Variants in CUBN observed in about 807,000 individuals in gnomAD.
CUBN encodes cubilin.
CUBN carries 282 observed loss-of-function variants against 405.3 expected under a neutral mutation model. The ratio of observed to expected loss-of-function variants is 0.70; its 90% confidence interval spans 0.63 to 0.77. The LOEUF (loss-of-function observed/expected upper bound fraction) is 0.77. Ranked by LOEUF, CUBN falls within the 30% of genes least tolerant of loss-of-function variation. The pLI is 0.00. For missense variants in CUBN, 4,514 were observed against 4,475.2 expected, an observed-to-expected ratio of 1.01 and a Z score of -0.25; for synonymous variants, 1,684 against 1,617.0, an observed-to-expected ratio of 1.04 and a Z score of -0.99.
chr10:16,943,469 C>A (rs1157613849), intron 36 of CUBN, among the ~76,000 whole-genome samples: 1 of 152,114 alleles, frequency 6.6e-6, no homozygotes, highest in African/African-American at 2.4e-5. Context: ...TGGTCTAAAT[C>A]CATCTTTGGG....
intron 57 of CUBN, 96 bp from the exon 58 acceptor site, chr10:16,874,599 C>T (rs111974763): frequency 4.9e-6 from 7 of 1,441,780 alleles, no homozygotes; most frequent in African/African-American, 4.2e-5. Context: ...ACATTTTTCC[C>T]TAAAAGAGGT....
Position 16,891,789 on chromosome 10 carries a change from T to C in CUBN, c.8599-1262A>G, listed in dbSNP as rs117232529. On this transcript the variant is annotated intron_variant, in intron 54 of 66. Transcript: ENST00000377833. ...GTTCAGAGGTCTCAACTAGGAGCAA[T>C]TTTGGGACCTCTGGCAAGGTTTGTA... Among the ~76,000 whole-genome samples, 839 of 152,068 alleles carry C rather than the reference T, an allele frequency of 5.5e-3. 10 individuals are homozygous for C. The highest frequency in any genetic ancestry group is 6.3e-3 in the Non-Finnish European group (426 of 67,988).
chr10:17,074,325 G>A (rs1216376662), intron 17 of CUBN, among the ~76,000 whole-genome samples: 1 of 151,992 alleles, frequency 6.6e-6, no homozygotes, highest in African/African-American at 2.4e-5. Context: ...GTACCTTTTT[G>A]GTTTTGTGTT....
intron 14 of CUBN, among the ~76,000 whole-genome samples, chr10:17,097,917 G>A (rs1836410205): frequency 6.6e-6 from 1 of 151,822 alleles, no homozygotes; most frequent in South Asian, 2.1e-4. Flanking sequence ...TTTAGAAGTG[G>A]GCCTATGTCC....
Position 16,950,015 on chromosome 10 carries a change from T to A in CUBN, c.5066A>T (p.Asp1689Val). ...FVEILDGGHE[D>V]APLRGRYCGT... ...CGCTGAGGTACCTCGGAGGGGCGCG[T>A]CTTCGTGGCCGCCATCCAAAATTTC... Residue 1689 changes from aspartate to valine, a missense_variant, in exon 34 of 67, where the codon GAC becomes GTC. By Grantham distance (152) the Asp-to-Val change is radical. Coordinates refer to ENST00000377833, the MANE Select transcript of CUBN (RefSeq NM_001081.4). 1.2e-6 allele frequency: 2 copies of A among 1,613,664 alleles called. No individual in the cohort carries two copies. The highest frequency in any genetic ancestry group is 1.7e-6 in the Non-Finnish European group (2 of 1,179,768).
At position 17,041,239 on chromosome 10, in the gene CUBN, G is replaced by C. The variant is rs1286566886; in HGVS notation, c.3830-19C>G. The C allele has an allele frequency of 5.6e-6, 9 of 1,600,072 alleles. No homozygotes were observed. The highest frequency in any genetic ancestry group is 1.3e-5 in the African/African-American group (1 of 74,524). On this transcript the variant is annotated intron_variant, in intron 26 of 66. Transcript: ENST00000377833. ...TCACATGCTGGAAAAAGAAATGACT[G>C]TTAAGAACCACTATTATATACTTCA...
chr10:16,853,782 G>C (rs1015459204), intron 59 of CUBN, among the ~76,000 whole-genome samples: 8 of 152,202 alleles, frequency 5.3e-5, no homozygotes, highest in African/African-American at 1.9e-4. Context: ...GGAGTTTGTG[G>C]AGTTTGAGCA....
chr10:17,090,826 TAAA>T (rs59564374), intron 14 of CUBN, among the ~76,000 whole-genome samples: 4 of 93,996 alleles, frequency 4.3e-5, no homozygotes, highest in Admixed American at 1.2e-4. Flanking sequence ...AAATGTAAAG[TAAA>T]AAAAAAAAAA....
In CUBN at chr10:17,122,969, T is replaced by A. The variant is rs1213709147; in HGVS notation, c.490-71A>T. ...GTATCTGGAGCGAACATTCACATGATACGTTTAAGGATTTATACGTGGACA... is the reference window on the plus strand; with the variant it reads ...GTATCTGGAGCGAACATTCACATGAAACGTTTAAGGATTTATACGTGGACA... On this transcript the variant is annotated intron_variant, in intron 5 of 66. Transcript: ENST00000377833. 38 of 1,032,260 alleles carry A rather than the reference T, an allele frequency of 3.7e-5. 1 individual carries two copies. The South Asian group carries it at 4.5e-4, about 12-fold the overall frequency. The allele number at this position is 1,032,260 out of a possible 1,614,324, so 63.9% of individuals were successfully genotyped here. A position where few individuals can be genotyped will look rare whatever the true frequency, so the allele number is the denominator to read the frequency against.
intron 35 of CUBN, 151 bp from the exon 36 acceptor site, chr10:16,947,518 T>C: frequency 1.1e-6 from 1 of 917,038 alleles, no homozygotes; most frequent in Non-Finnish European, 1.7e-6. Context: ...TCATATAAAA[T>C]AAGGGAACAA....
At chr10:16,832,257 C>T (rs1321393317) in intron 64 of CUBN, among the ~76,000 whole-genome samples, 4 of 152,108 alleles carry the variant, frequency 2.6e-5, no homozygotes, top group Non-Finnish European at 5.9e-5. Context: ...GCCTGACATG[C>T]GGAAATGCTG....
intron 29 of CUBN, among the ~76,000 whole-genome samples, chr10:16,986,409 C>G (rs1588552846): frequency 6.6e-6 from 1 of 152,090 alleles, no homozygotes; most frequent in African/African-American, 2.4e-5. Context: ...GAACAAGAAG[C>G]CTACTTTGGG....
chr10:17,056,294 C>T (rs112983467), intron 22 of CUBN, among the ~76,000 whole-genome samples: 261 of 152,160 alleles, frequency 1.7e-3, no homozygotes, highest in African/African-American at 5.8e-3. Flanking sequence ...TCATAGAACA[C>T]GTATAAAATC....
Position 16,900,855 on chromosome 10 carries a change from A to T in CUBN, c.8185-5T>A. On this transcript the variant is annotated splice_polypyrimidine_tract_variant and splice_region_variant and intron_variant, in intron 52 of 66. Coordinates refer to ENST00000377833, the MANE Select transcript of CUBN (RefSeq NM_001081.4). ...ATCAAAGTCACTAAATGTGAGCTGC[A>T]GGAGAAAAAAGAAAATGGTTGTCAG... 1 of 1,598,976 alleles carries T rather than the reference A, an allele frequency of 6.3e-7. No homozygotes were observed. The highest frequency in any genetic ancestry group is 1.1e-5 in the South Asian group (1 of 90,214).
intron 22 of CUBN, among the ~76,000 whole-genome samples, chr10:17,063,499 C>A (rs752434865): frequency 5.3e-5 from 8 of 152,230 alleles, no homozygotes; most frequent in African/African-American, 7.2e-5. Flanking sequence ...GCTTTTTCTT[C>A]TCTCTTTCTT....
At chr10:16,974,415 A>C (rs1833029194) in intron 31 of CUBN, among the ~76,000 whole-genome samples, 1 of 150,436 alleles carries the variant, frequency 6.6e-6, no homozygotes, top group Non-Finnish European at 1.5e-5. Context: ...GGGATTTTCC[A>C]ACTACAATTA....
At chr10:17,118,092 CT>C (rs1564522279) in intron 6 of CUBN, among the ~76,000 whole-genome samples, 1 of 152,166 alleles carries the variant, frequency 6.6e-6, no homozygotes, top group Non-Finnish European at 1.5e-5. Context: ...TTCCTTCATC[CT>C]TGCTATTATC....
rs143851033 is a variant in CUBN, at chr10:17,084,668, G to A, written c.2111-207C>T. ...ATCTCTGTAGTGGCTTAAAGAAATAGATGCAGAGATGTGTGATCTAGCTTC... is the reference window on the plus strand; with the variant it reads ...ATCTCTGTAGTGGCTTAAAGAAATAAATGCAGAGATGTGTGATCTAGCTTC... On this transcript the variant is annotated intron_variant, in intron 16 of 66. Coordinates refer to ENST00000377833, the MANE Select transcript of CUBN (RefSeq NM_001081.4). Among the ~76,000 whole-genome samples the A allele has an allele frequency of 2.0e-3, 305 of 152,318 alleles. 5 individuals are homozygous for A. The highest frequency in any genetic ancestry group is 6.9e-3 in the African/African-American group (289 of 41,586).
chr10:17,022,133 T>C (rs550755504), intron 27 of CUBN, among the ~76,000 whole-genome samples: 2 of 152,342 alleles, frequency 1.3e-5, no homozygotes, highest in African/African-American at 4.8e-5. Flanking sequence ...GGACCCTTTG[T>C]GCCACTCCGT....
Sources: allele counts gnomAD v4.1 joint callset (sites outside exome capture counted in the v4.1 genomes callset), GRCh38; gene constraint gnomAD v4.1.1; transcripts MANE v1.5; gene names NCBI Gene and HGNC (gene_info 2026-07-23, HGNC 2026-07-21).